ATP6V0A4: variants seen among roughly 807,000 people sequenced by gnomAD.
ATP6V0A4 encodes the protein ATPase H+ transporting V0 subunit a4.
ATP6V0A4 carries 86 observed loss-of-function variants against 107.3 expected under a neutral mutation model. The observed-to-expected ratio is 0.80, with a 90% CI of 0.67 to 0.96. The LOEUF (loss-of-function observed/expected upper bound fraction) is 0.96. ATP6V0A4 is among the 40% of genes least tolerant of loss of function. The pLI is 0.00. For missense variants in ATP6V0A4, 908 were observed against 1,045.6 expected (o/e 0.87, Z 1.81); for synonymous variants, 353 against 381.4 (o/e 0.93, Z 0.87).
Position 138,747,559 on chromosome 7 carries a change from AG to A in ATP6V0A4, c.1185del (p.Tyr396ThrfsTer12), listed in dbSNP as rs566440675. 55 of 1,613,906 alleles carry A rather than the reference AG, an allele frequency of 3.4e-5. No homozygotes were observed. Among genetic ancestry groups the A allele is most frequent in the Non-Finnish European group, 4.3e-5 (51 of 1,180,000 alleles). On this transcript the variant is annotated frameshift_variant, in exon 13 of 22. Transcript: ENST00000310018. LOFTEE classifies it high-confidence loss of function. ...AGGAAGGGGAAAGTGATGATGGTGT[AG>A]GGGGCTGCGGAGGGGAGACACACAA... is the stretch of plus-strand genomic sequence containing the variant. ...VGSYREINPA[P>X]YTIITFPFLF...
At chr7:138,742,261 T>TA (rs1336175125) in intron 14 of ATP6V0A4, among the ~76,000 whole-genome samples, 1 of 151,996 alleles carries the variant, frequency 6.6e-6, no homozygotes, top group Non-Finnish European at 1.5e-5. Flanking sequence ...ACCCCGTCTC[T>TA]ACTAAAAATA....
intron 18 of ATP6V0A4, among the ~76,000 whole-genome samples, chr7:138,724,055 G>GA (rs1390423345): frequency 6.6e-6 from 1 of 150,726 alleles, no homozygotes; most frequent in East Asian, 1.9e-4. Context: ...ATTTAGCCTG[G>GA]CTGAGGGAGC....
Position 138,745,128 on chromosome 7 carries a change from T to C in ATP6V0A4, c.1473A>G (p.Thr491=). 1 of 1,613,278 alleles carries C rather than the reference T, an allele frequency of 6.2e-7. No homozygotes were observed. The highest frequency in any genetic ancestry group is 8.5e-7 in the Non-Finnish European group (1 of 1,179,190). ...WSVQPMFRNG[T]WNTHVMEESL... ...ATCTCTGTCTGTCAACTCACTTCCA[T>C]GTGCCGTTTCTGAACATGGGTTGGA... Residue 491 remains threonine, a synonymous_variant, in exon 14 of 22, where the codon ACA becomes ACG. Coordinates refer to ENST00000310018, the MANE Select transcript of ATP6V0A4 (RefSeq NM_020632.3).
At chr7:138,788,705 G>A (rs1377087525) in intron 1 of ATP6V0A4, among the ~76,000 whole-genome samples, 1 of 152,212 alleles carries the variant, frequency 6.6e-6, no homozygotes, top group Non-Finnish European at 1.5e-5. Flanking sequence ...GACTCAGTGG[G>A]AGGTAATTGA....
Position 138,798,150 on chromosome 7 carries a change from C to T in ATP6V0A4, c.-237G>A, listed in dbSNP as rs776172197. ...CACCCGGGCCACCCTGATCCTCAGC[C>T]TGGCCTTTGCCTCCCTCCACTCGGC... On this transcript the variant is annotated 5_prime_UTR_variant, in exon 1 of 22. Transcript: ENST00000310018. The T allele has an allele frequency of 1.9e-6, 3 of 1,601,058 alleles. No individual in the cohort carries two copies. The highest frequency in any genetic ancestry group is 2.3e-5 in the South Asian group (2 of 88,318).
intron 11 of ATP6V0A4, 112 bp downstream of exon 11, chr7:138,752,513 A>T: frequency 7.4e-7 from 1 of 1,354,170 alleles, no homozygotes; most frequent in Admixed American, 2.0e-5. Flanking sequence ...TGAAGGAAGC[A>T]ATCCTACCAC....
chr7:138,725,518 T>A (rs1804663110), intron 18 of ATP6V0A4, among the ~76,000 whole-genome samples: 1 of 151,928 alleles, frequency 6.6e-6, no homozygotes, highest in African/African-American at 2.4e-5. Flanking sequence ...AAAAAAACTT[T>A]TTTTTTTTTT....
chr7:138,781,674 A>T (rs1394966825), intron 2 of ATP6V0A4, among the ~76,000 whole-genome samples: 1 of 151,580 alleles, frequency 6.6e-6, no homozygotes, highest in Admixed American at 6.6e-5. Flanking sequence ...CTGTGAATAA[A>T]ATTTTATGTC....
chr7:138,791,720 A>C (rs1808420119), intron 1 of ATP6V0A4, among the ~76,000 whole-genome samples: 1 of 152,206 alleles, frequency 6.6e-6, no homozygotes, highest in African/African-American at 2.4e-5. Flanking sequence ...TTTGTACCCA[A>C]TGAAGGTGAT....
intron 19 of ATP6V0A4, among the ~76,000 whole-genome samples, chr7:138,721,331 G>A (rs2117210819): frequency 6.6e-6 from 1 of 152,298 alleles, no homozygotes; most frequent in South Asian, 2.1e-4. Flanking sequence ...CTGAGGTCAG[G>A]AGTTCAAGAT....
At chr7:138,763,371 TAATCCC>T (rs1806926316) in intron 5 of ATP6V0A4, among the ~76,000 whole-genome samples, 1 of 152,184 alleles carries the variant, frequency 6.6e-6, no homozygotes, top group Non-Finnish European at 1.5e-5. Context: ...CTCATGCCTG[TAATCCC>T]AGCACTTTGG....
intron 5 of ATP6V0A4, among the ~76,000 whole-genome samples, chr7:138,765,494 G>C (rs965637730): frequency 6.6e-6 from 1 of 152,176 alleles, no homozygotes; most frequent in Admixed American, 6.6e-5. Context: ...CTGAGGGGAT[G>C]GTGGTTTTTT....
chr7:138,727,584 G>A (rs1804784442), intron 18 of ATP6V0A4, among the ~76,000 whole-genome samples: 1 of 152,174 alleles, frequency 6.6e-6, no homozygotes, highest in Admixed American at 6.6e-5. Flanking sequence ...GTCACATAGG[G>A]ACAAACTTCC....
intron 1 of ATP6V0A4, among the ~76,000 whole-genome samples, chr7:138,791,361 G>A (rs1017086149): frequency 6.6e-6 from 1 of 152,144 alleles, no homozygotes; most frequent in African/African-American, 2.4e-5. Flanking sequence ...GGAGTGGAAA[G>A]ATCTAACCTA....
chr7:138,761,923 A>G (rs558225595), intron 7 of ATP6V0A4, among the ~76,000 whole-genome samples: 17 of 152,128 alleles, frequency 1.1e-4, no homozygotes, highest in Admixed American at 9.2e-4. Flanking sequence ...CAAGTGATCC[A>G]CCCACCTCAG....
chr7:138,715,066 G>C (rs1049685089), intron 20 of ATP6V0A4, among the ~76,000 whole-genome samples: 3 of 152,216 alleles, frequency 2.0e-5, no homozygotes, highest in African/African-American at 7.2e-5. Flanking sequence ...CAGAATGCAG[G>C]CAGCCTCAAG....
At chr7:138,717,189 C>T (rs947679447) in intron 19 of ATP6V0A4, among the ~76,000 whole-genome samples, 1 of 152,036 alleles carries the variant, frequency 6.6e-6, no homozygotes, top group East Asian at 1.9e-4. Flanking sequence ...ACCGAAGCCC[C>T]GAAGAAAAGT....
intron 2 of ATP6V0A4, among the ~76,000 whole-genome samples, chr7:138,782,273 G>A: frequency 6.6e-6 from 1 of 152,306 alleles, no homozygotes; most frequent in East Asian, 1.9e-4. Context: ...GCTTGGAGAA[G>A]CATCACTCCA....
intron 1 of ATP6V0A4, among the ~76,000 whole-genome samples, chr7:138,790,483 T>C (rs1484813142): frequency 6.6e-6 from 1 of 152,064 alleles, no homozygotes; most frequent in Non-Finnish European, 1.5e-5. Flanking sequence ...TTAGTAGAGA[T>C]GGGGTTTTGC....
Sources: allele counts gnomAD v4.1 joint callset (sites outside exome capture counted in the v4.1 genomes callset), GRCh38; gene constraint gnomAD v4.1.1; transcripts MANE v1.5; gene names NCBI Gene and HGNC (gene_info 2026-07-23, HGNC 2026-07-21).